The following CYLC2 variants were observed in gnomAD, a reference collection of about 807,000 sequenced individuals.
CYLC2 encodes cylicin-2.
CYLC2 carries 30 observed loss-of-function variants against 26.1 expected under a neutral mutation model. The observed-to-expected ratio is 1.15, with a 90% CI of 0.86 to 1.56. CYLC2 has a LOEUF of 1.56. CYLC2 is among the 40% of genes most tolerant of loss of function. The pLI, the probability that CYLC2 is intolerant of heterozygous loss-of-function variation, is 0.00. For missense variants in CYLC2, 498 were observed against 394.4 expected (o/e 1.26, Z -2.23); for synonymous variants, 158 against 132.8 (o/e 1.19, Z -1.31).
chr9:103,011,892 A>G (rs1423204325), intron 5 of CYLC2, 90 bp from the exon 6 acceptor site: 2 of 151,434 alleles, frequency 1.3e-5, no homozygotes, highest in Non-Finnish European at 2.9e-5. Context: ...TCTCTTTGCA[A>G]CATGTATCTT....
chr9:103,006,839 T>G (rs10990426), intron 5 of CYLC2, among the ~76,000 whole-genome samples: 14,818 of 152,176 alleles, frequency 0.097, 864 homozygotes, highest in African/African-American at 0.16. Context: ...TCAAAAGATC[T>G]ATTTTATAGC....
chr9:103,013,754 A>C (rs1369756094), intron 6 of CYLC2, among the ~76,000 whole-genome samples: 5 of 109,418 alleles, frequency 4.6e-5, no homozygotes, highest in African/African-American at 1.9e-4. Context: ...ATTATATTAT[A>C]TATAATTATA....
chr9:103,009,012 C>T (rs1197083906), intron 5 of CYLC2, among the ~76,000 whole-genome samples: 1 of 152,124 alleles, frequency 6.6e-6, no homozygotes, highest in Non-Finnish European at 1.5e-5. Flanking sequence ...CATGTGACAA[C>T]ACTATTCCTT....
At chr9:103,015,143 T>C (rs1395539014) in intron 6 of CYLC2, among the ~76,000 whole-genome samples, 2 of 39,270 alleles carry the variant, frequency 5.1e-5, no homozygotes, top group African/African-American at 1.9e-4. Flanking sequence ...ACATAACATG[T>C]ATATCACGTG....
At chr9:102,996,897 C>T (rs1197949060) in intron 1 of CYLC2, among the ~76,000 whole-genome samples, 5 of 152,046 alleles carry the variant, frequency 3.3e-5, no homozygotes, top group Non-Finnish European at 1.5e-5. Context: ...TTGTGTTAGT[C>T]AACTCAGCCC....
Position 103,018,430 on chromosome 9 carries a change from C to T in CYLC2, c.*996C>T, listed in dbSNP as rs142981694. On this transcript the variant is annotated 3_prime_UTR_variant, in exon 8 of 8. Transcript: ENST00000374798. The stretch of plus-strand genomic sequence containing the variant: ...GAAAGTTGCTTGACAGCTCTAATTA[C>T]GAATTGAACACATTAAACACCTGGT... 2.0e-5 allele frequency: 3 copies of T among 152,032 alleles called. No individual in the cohort carries two copies. Among genetic ancestry groups the T allele is most frequent in the East Asian group, 3.9e-4 (2 of 5,162 alleles). 9.4% of individuals were successfully genotyped at this position (152,032 alleles called of 1,614,324 possible). A position where few individuals can be genotyped will look rare whatever the true frequency, so the allele number is the denominator to read the frequency against.
chr9:102,997,211 G>A (rs1434099876), intron 1 of CYLC2, among the ~76,000 whole-genome samples: 1 of 151,764 alleles, frequency 6.6e-6, no homozygotes, highest in Non-Finnish European at 1.5e-5. Context: ...GGTGCTGGGG[G>A]TAGGGGAGAT....
intron 1 of CYLC2, 23 bp downstream of exon 1, chr9:102,995,420 A>G: frequency 6.5e-7 from 1 of 1,541,808 alleles, no homozygotes; most frequent in Non-Finnish European, 9.0e-7. Flanking sequence ...TTATGTTTTA[A>G]AATAACTGAA....
At chr9:103,012,982 T>C (rs1461538289) in intron 6 of CYLC2, among the ~76,000 whole-genome samples, 1 of 149,832 alleles carries the variant, frequency 6.7e-6, no homozygotes, top group Admixed American at 6.8e-5. Flanking sequence ...GAAAGTGCAT[T>C]TCTGTTGGCT....
rs1303049976 is a variant in CYLC2, at chr9:103,002,441, C to T, written c.59-701C>T. 2.8e-5 allele frequency among the ~76,000 whole-genome samples: 4 copies of T among 142,310 alleles called. No homozygotes were observed. The South Asian group carries it at 8.8e-4, about 31-fold the overall frequency. 93.4% of individuals were successfully genotyped at this position (142,310 alleles called of 152,430 possible). On this transcript the variant is annotated intron_variant, in intron 2 of 7. Transcript: ENST00000374798. ...AGTGCAGTGGCATGATCTGGGCTCA[C>T]TGCAAGCTCTGCCTCCTGGGTTCAC...
chr9:103,007,927 T>G (rs867859729), intron 5 of CYLC2, among the ~76,000 whole-genome samples: 1 of 152,110 alleles, frequency 6.6e-6, no homozygotes, highest in African/African-American at 2.4e-5. Context: ...CAGTGGTTAT[T>G]GTAACTCCTG....
At chr9:102,996,625 C>T (rs886260318) in intron 1 of CYLC2, among the ~76,000 whole-genome samples, 7 of 151,844 alleles carry the variant, frequency 4.6e-5, no homozygotes, top group African/African-American at 1.2e-4. Flanking sequence ...TCATTGAACA[C>T]GCAAAATTTA....
chr9:102,996,427 C>T (rs1829238042), intron 1 of CYLC2, among the ~76,000 whole-genome samples: 1 of 151,846 alleles, frequency 6.6e-6, no homozygotes, highest in Admixed American at 6.6e-5. Flanking sequence ...GGTTAGAAAC[C>T]TCTTTTTGGT....
At chr9:103,008,868 T>C (rs1053787814) in intron 5 of CYLC2, among the ~76,000 whole-genome samples, 3 of 152,116 alleles carry the variant, frequency 2.0e-5, no homozygotes, top group Admixed American at 6.6e-5. Context: ...TATCCCATTC[T>C]TCATATAGAA....
intron 3 of CYLC2, among the ~76,000 whole-genome samples, 167 bp downstream of exon 3, chr9:103,003,430 TG>T (rs1829308845): frequency 6.6e-6 from 1 of 152,184 alleles, no homozygotes; most frequent in South Asian, 2.1e-4. Flanking sequence ...AACAAGTTTC[TG>T]CAATGATGGG....
intron 3 of CYLC2, among the ~76,000 whole-genome samples, chr9:103,003,876 A>C (rs1829313498): frequency 6.6e-6 from 1 of 152,074 alleles, no homozygotes; most frequent in Non-Finnish European, 1.5e-5. Flanking sequence ...AGAGTATTGG[A>C]AAATAAATAT....
In CYLC2 at chr9:103,005,936, G is replaced by A. The variant is rs1829343506; in HGVS notation, c.*258G>A. The stretch of plus-strand genomic sequence containing the variant: ...ATATACTTATATTCGGGGATATGAA[G>A]GATTCAATGAATGATCTCTAGAAAG... On this transcript the variant is annotated 3_prime_UTR_variant, in exon 5 of 8. Coordinates refer to ENST00000374798, the MANE Select transcript of CYLC2 (RefSeq NM_001340.5). 1.5e-5 allele frequency: 5 copies of A among 340,084 alleles called. No homozygotes were observed. The South Asian group carries it at 2.3e-4, about 16-fold the overall frequency. The allele number at this position is 340,084 out of a possible 1,614,324, so 21.1% of individuals were successfully genotyped here. A position where few individuals can be genotyped will look rare whatever the true frequency, so the allele number is the denominator to read the frequency against.
chr9:103,001,500 A>C (rs770197347), intron 1 of CYLC2, 78 bp from the exon 2 acceptor site: 18 of 794,800 alleles, frequency 2.3e-5, no homozygotes, highest in Non-Finnish European at 3.8e-5. Context: ...GGTTGCAGGT[A>C]CTGGAGTAAA....
At chr9:103,013,758 A>G (rs1439770372) in intron 6 of CYLC2, among the ~76,000 whole-genome samples, 2 of 110,916 alleles carry the variant, frequency 1.8e-5, no homozygotes, top group East Asian at 5.7e-4. Flanking sequence ...TATTATATAT[A>G]ATTATATTTT....
Sources: allele counts gnomAD v4.1 joint callset (sites outside exome capture counted in the v4.1 genomes callset), GRCh38; gene constraint gnomAD v4.1.1; transcripts MANE v1.5; gene names NCBI Gene and HGNC (gene_info 2026-07-23, HGNC 2026-07-21).